Variants in FRMPD1 observed in about 807,000 individuals in gnomAD.
FRMPD1 encodes FERM and PDZ domain containing 1, also known as FERM and PDZ domain-containing protein 1.
Under a neutral mutation model 117.8 loss-of-function variants are expected in FRMPD1, and 76 were observed. The ratio of observed to expected loss-of-function variants is 0.65; its 90% CI spans 0.54 to 0.78. The LOEUF (loss-of-function observed/expected upper bound fraction) is 0.78. Ranked by LOEUF, FRMPD1 falls within the 30% of genes least tolerant of loss-of-function variation. FRMPD1 has a pLI of 0.00. For synonymous variants in FRMPD1, 783 were observed against 770.4 expected (o/e 1.02, Z -0.27); for missense variants, 1,786 against 1,964.5 (o/e 0.91, Z 1.72).
the FRMPD1 span, among the ~76,000 whole-genome samples, chr9:37,626,786 T>G: frequency 6.6e-6 from 1 of 151,726 alleles, no homozygotes; most frequent in East Asian, 1.9e-4. Flanking sequence ...GAGCCCTGTC[T>G]CAGAGAGAGA....
Position 37,740,372 on chromosome 9 carries a change from A to T in FRMPD1, c.1844A>T (p.Asp615Val), listed in dbSNP as rs202113987. 41 of 1,613,680 alleles carry T rather than the reference A, an allele frequency of 2.5e-5. No individual in the cohort carries two copies. The East Asian group carries it at 6.9e-4, about 27-fold the overall frequency. ...GAGTCCATGGACGCTCTGGAAGAGG[A>T]TGACTTAGACACCTGCTCCTCCAGC... Reference protein sequence around the residue: ...SSESMDALEEDDLDTCSSSRS... With the variant: ...SSESMDALEEVDLDTCSSSRS... Residue 615 changes from aspartate (D) to valine (V), a missense_variant, in exon 15 of 16, where the codon GAT (aspartate) becomes GTT (valine). By Grantham distance (152) the Asp-to-Val change is radical. Coordinates refer to ENST00000377765, the MANE Select transcript of FRMPD1 (RefSeq NM_014907.3). The surrounding 1 kb of genome is among the most constrained non-coding windows in gnomAD (Gnocchi z 4.2).
At position 37,746,716 on chromosome 9, in the gene FRMPD1, A is replaced by G; in HGVS notation, c.4684A>G (p.Thr1562Ala). 1.2e-6 allele frequency: 2 copies of G among 1,614,008 alleles called. No homozygotes were observed. The highest frequency in any genetic ancestry group is 1.7e-6 in the Non-Finnish European group (2 of 1,180,026). ...CCTGGCCCGTCAGTGCACGGCCCTC[A>G]CGGCCGCCGTGTTCTGTTTGACCCA... ...KLLARQCTAL[T>A]AAVFCLTQKF... Residue 1562 changes from threonine (T) to alanine (A), a missense_variant, in exon 16 of 16, where the codon ACG becomes GCG. By Grantham distance (58) the Thr-to-Ala change is moderately conservative. Coordinates refer to ENST00000377765, the MANE Select transcript of FRMPD1 (RefSeq NM_014907.3).
chr9:37,694,218 G>GGATC (rs1217763886), intron 2 of FRMPD1, among the ~76,000 whole-genome samples: 2 of 152,174 alleles, frequency 1.3e-5, no homozygotes, highest in Non-Finnish European at 2.9e-5. Context: ...AGATTCTGTG[G>GGATC]CCATACATGT....
chr9:37,727,662 C>T (rs540404918), intron 7 of FRMPD1, among the ~76,000 whole-genome samples: 1 of 152,082 alleles, frequency 6.6e-6, no homozygotes, highest in South Asian at 2.1e-4. Context: ...TGGTGTGGAG[C>T]TGCAGAAGCA....
the FRMPD1 span, among the ~76,000 whole-genome samples, chr9:37,610,567 A>G: frequency 2.6e-5 from 4 of 151,400 alleles, no homozygotes; most frequent in South Asian, 8.3e-4. Flanking sequence ...AGATTGTGTT[A>G]TATCAGTACA....
At chr9:37,732,195 G>C in intron 9 of FRMPD1, 109 bp from the exon 10 acceptor site, 1 of 1,148,356 alleles carries the variant, frequency 8.7e-7, no homozygotes. Flanking sequence ...AACTGTCAGA[G>C]CCAGCTCTCA....
At chr9:37,703,824 C>T (rs1822611881) in intron 2 of FRMPD1, among the ~76,000 whole-genome samples, 1 of 152,182 alleles carries the variant, frequency 6.6e-6, no homozygotes, top group Non-Finnish European at 1.5e-5. Flanking sequence ...TTTCACTTAG[C>T]CAGATTCATC....
chr9:37,624,024 G>A, the FRMPD1 span, among the ~76,000 whole-genome samples: 1 of 152,174 alleles, frequency 6.6e-6, no homozygotes, highest in African/African-American at 2.4e-5. Flanking sequence ...AGCTGAGGTG[G>A]TTCAAGAGAC....
intron 8 of FRMPD1, among the ~76,000 whole-genome samples, chr9:37,730,379 A>C (rs1339930835): frequency 6.6e-6 from 1 of 152,250 alleles, no homozygotes; most frequent in Admixed American, 6.5e-5. Context: ...TAGTTCAACA[A>C]ATCTTTGTGA....
At chr9:37,709,642 G>A (rs1307680634) in intron 4 of FRMPD1, among the ~76,000 whole-genome samples, 3 of 152,192 alleles carry the variant, frequency 2.0e-5, no homozygotes, top group Non-Finnish European at 2.9e-5. Flanking sequence ...AGAAGTTGTA[G>A]GCTGACAAAA....
the FRMPD1 span, among the ~76,000 whole-genome samples, chr9:37,638,041 T>TCTTCCTTTCTTCCTTC: frequency 3.4e-5 from 5 of 146,570 alleles, no homozygotes; most frequent in African/African-American, 1.0e-4. Context: ...TTTCTTCCTT[T>TCTTCCTTTCTTCCTTC]CTTTCTTTCC....
chr9:37,617,103 T>G, the FRMPD1 span, among the ~76,000 whole-genome samples: 3 of 152,272 alleles, frequency 2.0e-5, no homozygotes, highest in Non-Finnish European at 4.4e-5. Context: ...GCTCTTAATC[T>G]CTATCCTACG....
the FRMPD1 span, among the ~76,000 whole-genome samples, chr9:37,642,557 C>T: frequency 2.0e-5 from 3 of 151,996 alleles, no homozygotes; most frequent in Non-Finnish European, 4.4e-5. Flanking sequence ...TGAGATAAAC[C>T]GCTTAGAACA....
At chr9:37,690,714 C>T (rs1170806218) in intron 1 of FRMPD1, among the ~76,000 whole-genome samples, 2 of 152,158 alleles carry the variant, frequency 1.3e-5, no homozygotes, top group Admixed American at 6.5e-5. Context: ...ATGTCTTAGT[C>T]TGTTTTGTGT....
the FRMPD1 span, among the ~76,000 whole-genome samples, chr9:37,639,843 T>C: frequency 1.6e-4 from 25 of 152,182 alleles, 1 homozygote; most frequent in Non-Finnish European, 7.3e-5. Context: ...GTATTTTTTG[T>C]AGAGACTGCG....
chr9:37,607,285 C>T, the FRMPD1 span, among the ~76,000 whole-genome samples: 1 of 152,086 alleles, frequency 6.6e-6, no homozygotes, highest in Non-Finnish European at 1.5e-5. Flanking sequence ...CACTGCACTC[C>T]AGCCTGGGTG....
chr9:37,653,010 G>C (rs540603451), intron 1 of FRMPD1, among the ~76,000 whole-genome samples: 1 of 151,902 alleles, frequency 6.6e-6, no homozygotes, highest in South Asian at 2.1e-4. Flanking sequence ...GAGCTGGTAC[G>C]AGCAAGGAAC....
intron 1 of FRMPD1, among the ~76,000 whole-genome samples, chr9:37,675,130 G>A (rs10973483): frequency 0.12 from 17,628 of 152,082 alleles, 1,669 homozygotes; most frequent in African/African-American, 0.26. Context: ...TCCACGTAAG[G>A]AAGAGATCAT....
chr9:37,740,903 G>T lies in FRMPD1; in HGVS notation c.2356+19G>T. The T allele has an allele frequency of 6.2e-7, 1 of 1,600,070 alleles. No homozygotes were observed. Among genetic ancestry groups the T allele is most frequent in the Non-Finnish European group, 8.6e-7 (1 of 1,167,154 alleles). Reference sequence around the variant, plus strand: ...CCGTCAGGTGAGCCGTCCCTTGCAGGTCTGCAGACACGGCAGGCAGCTCCT... The same window carrying T: ...CCGTCAGGTGAGCCGTCCCTTGCAGTTCTGCAGACACGGCAGGCAGCTCCT... On this transcript the variant is annotated intron_variant, in intron 15 of 15. Transcript: ENST00000377765. The surrounding 1 kb of genome is among the most constrained non-coding windows in gnomAD (Gnocchi z 4.2).
Sources: gnomAD v4.1 joint callset for allele counts (sites outside exome capture counted in the v4.1 genomes callset) on GRCh38, gnomAD v4.1.1 for gene constraint, Gnocchi (gnomAD v3.1) non-coding constraint, MANE v1.5 for transcripts, NCBI Gene and HGNC (gene_info 2026-07-23, HGNC 2026-07-21) for gene names.